CNTRL: variants seen among roughly 807,000 people sequenced by gnomAD.
CNTRL encodes the protein centriolin.
A neutral mutation model predicts 303.7 loss-of-function variants in CNTRL; 233 were observed. The ratio of observed to expected loss-of-function variants is 0.77; its 90% CI spans 0.69 to 0.86. The LOEUF (loss-of-function observed/expected upper bound fraction) is 0.86, where lower values mean the gene tolerates loss of function less well. CNTRL is among the 40% of genes least tolerant of loss of function. The pLI, the probability that CNTRL is intolerant of heterozygous loss-of-function variation, is 0.00. For synonymous variants in CNTRL, 900 were observed against 922.2 expected, an observed-to-expected ratio of 0.98 and a Z score of 0.44; for missense variants, 2,524 against 2,650.6, an observed-to-expected ratio of 0.95 and a Z score of 1.05.
rs761057428 is a variant in CNTRL at position 121,124,042 on chromosome 9, G to A, written c.1762G>A (p.Glu588Lys). 6.2e-7 allele frequency: 1 copy of A among 1,612,862 alleles called. No individual in the cohort carries two copies. The highest frequency in any genetic ancestry group is 8.5e-7 in the Non-Finnish European group (1 of 1,179,458). ...TGAGATACTTTCTAGAATTGCTAAG[G>A]AAACGGAAGAGATTAAGGACCTTGA... Reference protein sequence around the residue: ...LDEILSRIAKETEEIKDLEEQ... With the variant: ...LDEILSRIAKKTEEIKDLEEQ... The change falls in exon 13 of 44, where the codon GAA becomes AAA. Residue 588 changes from glutamate (E) to lysine (K), a missense_variant. Physicochemically the swap from Glu to Lys is moderately conservative, Grantham distance 56. Coordinates refer to ENST00000373855, the MANE Select transcript of CNTRL (RefSeq NM_007018.6).
chr9:121,152,385 TGA>T, intron 25 of CNTRL, 98 bp from the exon 26 acceptor site: 1 of 930,150 alleles, frequency 1.1e-6, no homozygotes, highest in Admixed American at 2.3e-5. Flanking sequence ...TTTGGGCCAT[TGA>T]TACCACTTTA....
intron 43 of CNTRL, among the ~76,000 whole-genome samples, chr9:121,175,626 T>C (rs2053492273): frequency 6.6e-6 from 1 of 152,196 alleles, no homozygotes; most frequent in Admixed American, 6.5e-5. Flanking sequence ...TTAAAAGCCG[T>C]GGGGTGTATA....
At position 121,162,254 on chromosome 9, in the gene CNTRL, G is replaced by C; in HGVS notation, c.5406G>C (p.Lys1802Asn). 1 of 1,614,040 alleles carries C rather than the reference G, an allele frequency of 6.2e-7. No homozygotes were observed. The highest frequency in any genetic ancestry group is 8.5e-7 in the Non-Finnish European group (1 of 1,179,988). Residue 1802 changes from lysine to asparagine, a missense_variant, in exon 34 of 44, where the codon AAG (lysine) becomes AAC (asparagine). Lys to Asn is a moderately conservative substitution (Grantham distance 94, BLOSUM62 0). Coordinates refer to ENST00000373855, the MANE Select transcript of CNTRL (RefSeq NM_007018.6). Reference sequence around the variant, plus strand: ...AGAAATGTGACATTTGGGAAAAAAAGTTGGCACAAACCAAAAGGTGAGAGC... The same window carrying C: ...AGAAATGTGACATTTGGGAAAAAAACTTGGCACAAACCAAAAGGTGAGAGC... Reference protein sequence around the residue: ...LQEKCDIWEKKLAQTKRVLAA... With the variant: ...LQEKCDIWEKNLAQTKRVLAA...
At chr9:121,175,521 G>A (rs543427421) in intron 43 of CNTRL, among the ~76,000 whole-genome samples, 10 of 152,244 alleles carry the variant, frequency 6.6e-5, no homozygotes, top group African/African-American at 9.6e-5. Flanking sequence ...CTCCTGCCTC[G>A]GCCTCCCAAA....
intron 2 of CNTRL, among the ~76,000 whole-genome samples, chr9:121,086,455 A>T (rs2048344452): frequency 6.6e-6 from 1 of 152,114 alleles, no homozygotes. Context: ...ACTACAAATT[A>T]ACATGGTAAA....
At chr9:121,148,936 T>C in intron 24 of CNTRL, 75 bp downstream of exon 24, 1 of 1,362,928 alleles carries the variant, frequency 7.3e-7, no homozygotes, top group East Asian at 2.4e-5. Flanking sequence ...CTGAAACCCC[T>C]AAGACACAAT....
chr9:121,138,022 C>T (rs2051288981), intron 15 of CNTRL, among the ~76,000 whole-genome samples: 1 of 152,158 alleles, frequency 6.6e-6, no homozygotes, highest in Non-Finnish European at 1.5e-5. Context: ...TGAAGATCTA[C>T]AGATCTCTGA....
intron 15 of CNTRL, among the ~76,000 whole-genome samples, chr9:121,136,930 C>T (rs770996314): frequency 6.6e-6 from 1 of 152,142 alleles, no homozygotes; most frequent in Non-Finnish European, 1.5e-5. Context: ...AATGATGTTT[C>T]AGCTGATGGC....
Position 121,168,090 on chromosome 9 carries a change from A to AT in CNTRL, c.5845-4dup. 1 of 1,606,454 alleles carries AT rather than the reference A, an allele frequency of 6.2e-7. No homozygotes were observed. The highest frequency in any genetic ancestry group is 8.5e-7 in the Non-Finnish European group (1 of 1,176,644). ...TAATGACTAATCAAGATTATTCTTT[A>AT]TTAAGATGTTTCAGAGACTCCAGAA... On this transcript the variant is annotated splice_polypyrimidine_tract_variant and splice_region_variant and intron_variant, in intron 37 of 43. Coordinates refer to ENST00000373855, the MANE Select transcript of CNTRL (RefSeq NM_007018.6).
intron 26 of CNTRL, among the ~76,000 whole-genome samples, chr9:121,153,777 G>A (rs2052415010): frequency 6.6e-6 from 1 of 152,196 alleles, no homozygotes; most frequent in African/African-American, 2.4e-5. Context: ...CAGACCCCAG[G>A]GTGGTAGGGA....
chr9:121,135,044 C>G (rs1024888468), intron 14 of CNTRL, among the ~76,000 whole-genome samples: 2 of 152,128 alleles, frequency 1.3e-5, no homozygotes, highest in Admixed American at 1.3e-4. Context: ...AAGTTCTCAT[C>G]GTAGAATCCT....
At chr9:121,150,639 A>G in intron 25 of CNTRL, 156 bp downstream of exon 25, 1 of 700,930 alleles carries the variant, frequency 1.4e-6, no homozygotes, top group Non-Finnish European at 2.3e-6. Context: ...TCTCTTATTA[A>G]AATTCTCTTA....
intron 2 of CNTRL, among the ~76,000 whole-genome samples, chr9:121,082,982 A>AAT (rs1376151027): frequency 6.6e-6 from 1 of 151,648 alleles, no homozygotes; most frequent in East Asian, 1.9e-4. Context: ...AAAAAAAAAA[A>AAT]AAAATAGAAA....
chr9:121,143,932 G>C lies in CNTRL; in HGVS notation c.2901G>C (p.Glu967Asp). 6.2e-7 allele frequency: 1 copy of C among 1,600,662 alleles called. No individual in the cohort carries two copies. Among genetic ancestry groups the C allele is most frequent in the East Asian group, 2.2e-5 (1 of 44,814 alleles). The change falls in exon 20 of 44, where the codon GAG (glutamate) becomes GAC (aspartate). Residue 967 changes from glutamate to aspartate, a missense_variant. Coordinates refer to ENST00000373855, the MANE Select transcript of CNTRL (RefSeq NM_007018.6). The stretch of plus-strand genomic sequence containing the variant: ...AACTTGAAGATGCCAAATCTCAGGA[G>C]CAAGTTTTTGGTTTAGATAAAGAAC... ...KKKLEDAKSQ[E>D]QVFGLDKELK...
At chr9:121,152,393 C>CT in intron 25 of CNTRL, 92 bp from the exon 26 acceptor site, 1 of 1,078,558 alleles carries the variant, frequency 9.3e-7, no homozygotes. Context: ...ATTGATACCA[C>CT]TTTAACCACA....
chr9:121,166,304 T>C, intron 36 of CNTRL, 124 bp downstream of exon 36: 1 of 607,672 alleles, frequency 1.6e-6, no homozygotes, highest in Admixed American at 3.6e-5. Flanking sequence ...GGGCCATTTA[T>C]GTAACATAAC....
chr9:121,108,625 A>T (rs2049594931), intron 8 of CNTRL, among the ~76,000 whole-genome samples: 1 of 151,618 alleles, frequency 6.6e-6, no homozygotes, highest in Admixed American at 6.6e-5. Flanking sequence ...TGTTATTTTT[A>T]TCATTAACCA....
intron 14 of CNTRL, among the ~76,000 whole-genome samples, chr9:121,129,063 G>A (rs952805936): frequency 7.2e-5 from 11 of 152,204 alleles, no homozygotes; most frequent in Non-Finnish European, 1.6e-4. Context: ...ATAGTTTAAA[G>A]TCAGGTAGCG....
chr9:121,170,538 C>T (rs957932946), intron 39 of CNTRL, among the ~76,000 whole-genome samples: 11 of 152,106 alleles, frequency 7.2e-5, no homozygotes, highest in Non-Finnish European at 1.3e-4. Context: ...TCACTGCAAC[C>T]TCCACCTCCC....
Sources: gnomAD v4.1 joint callset for allele counts (sites outside exome capture counted in the v4.1 genomes callset) on GRCh38, gnomAD v4.1.1 for gene constraint, MANE v1.5 for transcripts, NCBI Gene and HGNC (gene_info 2026-07-23, HGNC 2026-07-21) for gene names.